The following CAMK2G variants were observed in gnomAD, a reference collection of about 807,000 sequenced individuals.
CAMK2G encodes calcium/calmodulin dependent protein kinase II gamma.
Under a neutral mutation model 88.7 loss-of-function variants are expected in CAMK2G, and 23 were observed. The observed-to-expected ratio is 0.26, with a 90% confidence interval of 0.19 to 0.37. The LOEUF (loss-of-function observed/expected upper bound fraction) is 0.37. Among genes scored for constraint, CAMK2G ranks in the 10% least tolerant of loss-of-function variants. The pLI is 1.00. For missense variants in CAMK2G, 476 were observed against 780.8 expected (o/e 0.61, Z 4.65); for synonymous variants, 263 against 294.8 (o/e 0.89, Z 1.11).
intron 21 of CAMK2G, 44 bp downstream of exon 21, chr10:73,816,979 T>C (rs765761646): frequency 1.7e-5 from 28 of 1,613,152 alleles, no homozygotes; most frequent in Middle Eastern, 1.6e-4. Context: ...GACAAAGGGG[T>C]AAAGGGGCAG....
At chr10:73,830,469 C>T (rs920499663) in intron 14 of CAMK2G, among the ~76,000 whole-genome samples, 8 of 152,328 alleles carry the variant, frequency 5.3e-5, no homozygotes, top group African/African-American at 1.9e-4. Context: ...AATCATATCT[C>T]ACTTTTACTT....
At chr10:73,817,395 C>T (rs2086018801) in intron 20 of CAMK2G, 84 bp downstream of exon 20, 11 of 1,035,400 alleles carry the variant, frequency 1.1e-5, no homozygotes, top group Non-Finnish European at 1.4e-5. Flanking sequence ...ACCTCCCTTT[C>T]CCCAGGGTCC....
intron 14 of CAMK2G, among the ~76,000 whole-genome samples, chr10:73,829,168 C>T (rs1013599124): frequency 4.6e-5 from 7 of 151,462 alleles, no homozygotes; most frequent in African/African-American, 7.3e-5. Context: ...TTATAATCAA[C>T]GAAAGAGGCT....
chr10:73,824,016 G>T (rs781746501), intron 17 of CAMK2G, 24 bp downstream of exon 17: 1 of 1,604,786 alleles, frequency 6.2e-7, no homozygotes, highest in Admixed American at 1.7e-5. Context: ...TGGAAAGCAG[G>T]AGGCAGGCTC....
intron 14 of CAMK2G, among the ~76,000 whole-genome samples, chr10:73,833,689 G>A (rs960507911): frequency 2.0e-5 from 3 of 148,848 alleles, no homozygotes; most frequent in Non-Finnish European, 3.0e-5. Context: ...TCTGCCCCCC[G>A]CAAGGTTCAA....
chr10:73,815,609 G>C (rs1366773718), intron 21 of CAMK2G, among the ~76,000 whole-genome samples: 1 of 152,144 alleles, frequency 6.6e-6, no homozygotes, highest in African/African-American at 2.4e-5. Context: ...TCACACACCT[G>C]AACTCAGGAC....
At chr10:73,851,018 C>A (rs1429924271) in intron 5 of CAMK2G, among the ~76,000 whole-genome samples, 2 of 152,250 alleles carry the variant, frequency 1.3e-5, no homozygotes, top group African/African-American at 4.8e-5. Context: ...CTCCTCCCCG[C>A]AGGCTCCCTG....
intron 3 of CAMK2G, among the ~76,000 whole-genome samples, chr10:73,859,859 G>A (rs1251899656): frequency 1.3e-5 from 2 of 152,202 alleles, no homozygotes; most frequent in Admixed American, 1.3e-4. Context: ...CAGGGGCTGG[G>A]TAGCTCTGAA....
At chr10:73,847,756 C>T (rs1565383348) in intron 9 of CAMK2G, among the ~76,000 whole-genome samples, 1 of 152,196 alleles carries the variant, frequency 6.6e-6, no homozygotes, top group Non-Finnish European at 1.5e-5. Flanking sequence ...GATCAAAGGA[C>T]TTCAGTGGAC....
chr10:73,844,756 A>G (rs971274625), intron 10 of CAMK2G, among the ~76,000 whole-genome samples: 1 of 151,940 alleles, frequency 6.6e-6, no homozygotes, highest in Non-Finnish European at 1.5e-5. Flanking sequence ...TCCCACCTCA[A>G]TGCCTAGCTC....
At chr10:73,838,542 G>A (rs930869306) in intron 13 of CAMK2G, among the ~76,000 whole-genome samples, 6 of 152,166 alleles carry the variant, frequency 3.9e-5, no homozygotes, top group Admixed American at 1.3e-4. Flanking sequence ...GTCCACCATC[G>A]TTGTCACTAT....
At chr10:73,858,727 G>C (rs2095222087) in intron 3 of CAMK2G, among the ~76,000 whole-genome samples, 1 of 152,232 alleles carries the variant, frequency 6.6e-6, no homozygotes, top group Non-Finnish European at 1.5e-5. Flanking sequence ...GCCGAGGGCA[G>C]ATGGTAAAAG....
At chr10:73,823,231 T>A (rs1047668568) in intron 17 of CAMK2G, among the ~76,000 whole-genome samples, 1 of 151,976 alleles carries the variant, frequency 6.6e-6, no homozygotes, top group Non-Finnish European at 1.5e-5. Context: ...TTATTTTTTT[T>A]GAGAGATTAA....
intron 13 of CAMK2G, among the ~76,000 whole-genome samples, chr10:73,838,797 C>T (rs1393097297): frequency 6.6e-6 from 1 of 152,202 alleles, no homozygotes; most frequent in African/African-American, 2.4e-5. Context: ...CCACTAGGAT[C>T]ACCTGGGAGC....
intron 15 of CAMK2G, among the ~76,000 whole-genome samples, chr10:73,826,059 C>T (rs2090836870): frequency 6.6e-6 from 1 of 152,132 alleles, no homozygotes. Context: ...AATCCAGCCC[C>T]CAGGACAGAG....
chr10:73,840,769 ACTCAGAGGGGAGAGAGGACAGAG>A (rs1444196924), intron 12 of CAMK2G, among the ~76,000 whole-genome samples: 2 of 152,214 alleles, frequency 1.3e-5, no homozygotes, highest in African/African-American at 4.8e-5. Flanking sequence ...CATTTCTTCA[ACTCAGAGGGGAGAGAGGACAGAG>A]CTTCGCTCTA....
intron 13 of CAMK2G, 77 bp from the exon 14 acceptor site, chr10:73,837,588 CAA>C: frequency 8.7e-7 from 1 of 1,150,056 alleles, no homozygotes; most frequent in Admixed American, 1.7e-5. Flanking sequence ...GCCAGATCCA[CAA>C]GAGAGTGCTG....
chr10:73,840,259 C>A (rs1157410855), intron 12 of CAMK2G, among the ~76,000 whole-genome samples: 6 of 152,168 alleles, frequency 3.9e-5, no homozygotes, highest in Admixed American at 3.9e-4. Context: ...AAGAAATAAA[C>A]CCTGAGAAAG....
intron 21 of CAMK2G, chr10:73,816,205 T>G (rs11000785): frequency 1.0e-6 from 1 of 984,822 alleles, no homozygotes; most frequent in Admixed American, 6.1e-5. Context: ...TTATTTTCCA[T>G]GAACTGTCCA....
Sources: gnomAD v4.1 joint callset for allele counts (sites outside exome capture counted in the v4.1 genomes callset) on GRCh38, gnomAD v4.1.1 for gene constraint, MANE v1.5 for transcripts, NCBI Gene and HGNC (gene_info 2026-07-23, HGNC 2026-07-21) for gene names.